DOCK9: variants seen among roughly 807,000 people sequenced by gnomAD.
DOCK9 encodes dedicator of cytokinesis protein 9.
DOCK9 carries 89 observed loss-of-function variants against 263.3 expected under a neutral mutation model. The ratio of observed to expected loss-of-function variants is 0.34; its 90% CI spans 0.28 to 0.40. DOCK9 has a LOEUF of 0.40. Among genes scored for constraint, DOCK9 ranks in the 10% least tolerant of loss-of-function variants. DOCK9 has a pLI of 1.00. For synonymous variants in DOCK9, 976 were observed against 973.1 expected (o/e 1.00, Z -0.06); for missense variants, 2,140 against 2,603.4 (o/e 0.82, Z 3.87).
chr13:98,968,707 T>C (rs569391302), intron 1 of DOCK9, among the ~76,000 whole-genome samples: 19 of 152,240 alleles, frequency 1.2e-4, no homozygotes, highest in Non-Finnish European at 2.8e-4. Context: ...AATTTTAATA[T>C]ACAGGTAATT....
intron 45 of DOCK9, among the ~76,000 whole-genome samples, chr13:98,814,676 T>C (rs1233778403): frequency 6.6e-6 from 1 of 152,146 alleles, no homozygotes; most frequent in Non-Finnish European, 1.5e-5. Flanking sequence ...TAAGTGCTCA[T>C]GCCTATAATC....
intron 1 of DOCK9, among the ~76,000 whole-genome samples, chr13:98,975,147 G>C (rs997341849): frequency 6.6e-6 from 1 of 152,150 alleles, no homozygotes; most frequent in African/African-American, 2.4e-5. Context: ...GGGAAGCCGA[G>C]GCGGGCGGAT....
At chr13:98,935,315 G>A (rs1448737728) in intron 2 of DOCK9, among the ~76,000 whole-genome samples, 1 of 152,088 alleles carries the variant, frequency 6.6e-6, no homozygotes, top group Non-Finnish European at 1.5e-5. Flanking sequence ...TTAAGTCCTA[G>A]AACTAAAAAC....
chr13:99,065,047 T>C (rs1364073987), intron 1 of DOCK9, among the ~76,000 whole-genome samples: 2 of 152,166 alleles, frequency 1.3e-5, no homozygotes, highest in Non-Finnish European at 2.9e-5. Flanking sequence ...GGTTTCTGCA[T>C]CACCACACTC....
rs1434188560 is a variant in DOCK9 at position 98,998,689 on chromosome 13, G to C, written c.130-43138C>G. On this transcript the variant is annotated intron_variant, in intron 1 of 32. Coordinates refer to the DOCK9 transcript ENST00000427887. Reference sequence around the variant, plus strand: ...CATTCTCAAATGGGGCTGAGATTAGGCTGCATGGCCCCTAATCGTCCAACT... The same window carrying C: ...CATTCTCAAATGGGGCTGAGATTAGCCTGCATGGCCCCTAATCGTCCAACT... Among the ~76,000 whole-genome samples, 5 of 152,172 alleles carry C rather than the reference G, an allele frequency of 3.3e-5. No individual in the cohort carries two copies. In the East Asian group the frequency reaches 9.7e-4, roughly 29 times the overall value.
chr13:98,875,309 C>T (rs1243106885), intron 27 of DOCK9, among the ~76,000 whole-genome samples: 2 of 122,546 alleles, frequency 1.6e-5, no homozygotes, highest in Non-Finnish European at 3.7e-5. Context: ...TAGCATTCTA[C>T]CTATCACATA....
At position 98,867,484 on chromosome 13, in the gene DOCK9, T is replaced by C. The variant is rs762403429; in HGVS notation, c.3227A>G (p.His1076Arg). Reference protein sequence around the residue: ...EFLRVVCNHEHYIPLNLPMPF... With the variant: ...EFLRVVCNHERYIPLNLPMPF... Reference sequence around the variant, plus strand: ...CATTGGTAAGTTCAACGGAATATAATGTTCATGGTTGCACACTACACGGAG... The same window carrying C: ...CATTGGTAAGTTCAACGGAATATAACGTTCATGGTTGCACACTACACGGAG... The change falls in exon 30 of 53, where the codon CAT (histidine) becomes CGT (arginine). Residue 1076 changes from histidine to arginine, a missense_variant. Around this residue, in one of 2 missense-constraint regions of DOCK9, gnomAD observed 1,521 missense variants for 1,741.7 expected, o/e 0.87. Coordinates refer to ENST00000682017, the MANE Select transcript of DOCK9 (RefSeq NM_001366683.2). The C allele has an allele frequency of 1.2e-6, 2 of 1,613,086 alleles. No individual in the cohort carries two copies. The highest frequency in any genetic ancestry group is 8.5e-7 in the Non-Finnish European group (1 of 1,179,516).
Position 98,899,052 on chromosome 13 carries a change from AT to A in DOCK9, c.1504-792del, listed in dbSNP as rs71683157. 7.6e-3 allele frequency among the ~76,000 whole-genome samples: 1,065 copies of A among 140,348 alleles called. 7 individuals are homozygous for A. The highest frequency in any genetic ancestry group is 0.022 in the African/African-American group (853 of 38,086). The allele number at this position is 140,348 out of a possible 152,430, so 92.1% of individuals were successfully genotyped here. On this transcript the variant is annotated intron_variant, in intron 13 of 52. Coordinates refer to ENST00000682017, the MANE Select transcript of DOCK9 (RefSeq NM_001366683.2). Reference sequence around the variant, plus strand: ...AGTGAAGGGTCTTTTACATTACTTAATTTTTTTTTTTTTTTTTTTACTGAAG... The same window carrying A: ...AGTGAAGGGTCTTTTACATTACTTAATTTTTTTTTTTTTTTTTTACTGAAG...
At chr13:98,796,231 G>C (rs1273207062) in intron 52 of DOCK9, 1 of 1,584,120 alleles carries the variant, frequency 6.3e-7, no homozygotes, top group African/African-American at 1.3e-5. Context: ...TGTTAGCATG[G>C]AGGAGAAAAA....
chr13:99,013,702 G>C (rs888065497), intron 1 of DOCK9, among the ~76,000 whole-genome samples: 2 of 152,158 alleles, frequency 1.3e-5, no homozygotes, highest in African/African-American at 2.4e-5. Flanking sequence ...TATCCAGAAC[G>C]AGGTGAGGAA....
chr13:98,996,793 C>T (rs1881149697), intron 1 of DOCK9, among the ~76,000 whole-genome samples: 1 of 152,238 alleles, frequency 6.6e-6, no homozygotes, highest in South Asian at 2.1e-4. Context: ...TTGGGCACTC[C>T]TGATCTAATC....
chr13:98,971,639 C>T (rs1450520351), intron 1 of DOCK9, among the ~76,000 whole-genome samples: 1 of 151,880 alleles, frequency 6.6e-6, no homozygotes, highest in Non-Finnish European at 1.5e-5. Context: ...ACCCGGAAGG[C>T]GGACCTTGCA....
At chr13:98,902,862 C>T (rs7328190) in intron 11 of DOCK9, 110 bp downstream of exon 11, 4 of 1,073,698 alleles carry the variant, frequency 3.7e-6, no homozygotes, top group Non-Finnish European at 5.1e-6. Context: ...AAACACTGCA[C>T]CTCTTTGATA....
chr13:98,801,883 C>T (rs2090151719), intron 49 of DOCK9, among the ~76,000 whole-genome samples: 1 of 152,234 alleles, frequency 6.6e-6, no homozygotes, highest in Non-Finnish European at 1.5e-5. Context: ...CACCCTGAGG[C>T]AACCTCATAT....
chr13:98,822,456 T>C (rs2092328703), intron 45 of DOCK9, among the ~76,000 whole-genome samples: 1 of 152,234 alleles, frequency 6.6e-6, no homozygotes, highest in African/African-American at 2.4e-5. Flanking sequence ...CCTGGCATCG[T>C]TGCTTTCCTT....
At chr13:98,886,163 A>G (rs1469198698) in intron 19 of DOCK9, among the ~76,000 whole-genome samples, 1 of 152,236 alleles carries the variant, frequency 6.6e-6, no homozygotes, top group African/African-American at 2.4e-5. Flanking sequence ...CAGTGGTTTC[A>G]ATGAATTACA....
rs574003736 is a variant in DOCK9 at position 98,865,263 on chromosome 13, G to C, written c.3287-1715C>G. Among the ~76,000 whole-genome samples the C allele has an allele frequency of 9.4e-4, 143 of 152,076 alleles. 1 individual carries two copies. In the South Asian group the frequency reaches 0.014, roughly 15 times the overall value. On this transcript the variant is annotated intron_variant, in intron 30 of 52. Coordinates refer to ENST00000682017, the MANE Select transcript of DOCK9 (RefSeq NM_001366683.2). ...TGTTTCTGTTTTTTTGTAGAGACAG[G>C]GTTTTGTTATGCTTCCCAGGATGAT... is the stretch of plus-strand genomic sequence containing the variant.
intron 39 of DOCK9, among the ~76,000 whole-genome samples, chr13:98,833,271 A>AT (rs1376615471): frequency 2.0e-5 from 3 of 151,368 alleles, no homozygotes; most frequent in African/African-American, 7.3e-5. Flanking sequence ...TATGAATGCC[A>AT]TTTTCTCAGG....
chr13:98,804,397 T>C (rs1246695355), intron 49 of DOCK9, among the ~76,000 whole-genome samples: 1 of 152,080 alleles, frequency 6.6e-6, no homozygotes, highest in East Asian at 1.9e-4. Context: ...TTTCCCAGAG[T>C]GGGTTATCAC....
Sources: allele counts gnomAD v4.1 joint callset (sites outside exome capture counted in the v4.1 genomes callset), GRCh38; gene constraint gnomAD v4.1.1; regional missense constraint gnomAD v4.1.1; transcripts MANE v1.5; gene names NCBI Gene and HGNC (gene_info 2026-07-23, HGNC 2026-07-21).